Variants in URB1 observed in about 807,000 individuals in gnomAD.
The protein encoded by URB1 is nucleolar pre-ribosomal-associated protein 1.
Under a neutral mutation model 242.3 loss-of-function variants are expected in URB1, and 197 were observed. The observed-to-expected ratio is 0.81, with a 90% CI of 0.72 to 0.91. The LOEUF (loss-of-function observed/expected upper bound fraction) is 0.91, where lower values mean the gene tolerates loss of function less well. Ranked by LOEUF, URB1 falls within the 40% of genes least tolerant of loss-of-function variation. The pLI is 0.00. For synonymous variants in URB1, 1,153 were observed against 1,201.8 expected, an observed-to-expected ratio of 0.96 and a Z score of 0.84; for missense variants, 2,721 against 2,860.5, an observed-to-expected ratio of 0.95 and a Z score of 1.11.
chr21:32,359,182 C>A (rs2033257676), intron 14 of URB1, among the ~76,000 whole-genome samples: 1 of 152,196 alleles, frequency 6.6e-6, no homozygotes, highest in African/African-American at 2.4e-5. Context: ...TTATAAGAAA[C>A]ACTTGGACAA....
intron 13 of URB1, among the ~76,000 whole-genome samples, chr21:32,360,511 C>T (rs1056112648): frequency 6.6e-6 from 1 of 152,058 alleles, no homozygotes; most frequent in African/African-American, 2.4e-5. Flanking sequence ...TCCCATAGGC[C>T]CAATTATAAA....
chr21:32,379,142 T>C (rs965691153), intron 4 of URB1, among the ~76,000 whole-genome samples: 3 of 152,250 alleles, frequency 2.0e-5, no homozygotes, highest in East Asian at 1.9e-4. Context: ...ACCAGGGCAC[T>C]GGGCACGTTT....
chr21:32,327,497 T>C lies in URB1; in HGVS notation c.4961-2108A>G, dbSNP rs944579689. Among the ~76,000 whole-genome samples the C allele has an allele frequency of 5.3e-5, 8 of 152,014 alleles. No homozygotes were observed. The South Asian group carries it at 1.7e-3, about 32-fold the overall frequency. On this transcript the variant is annotated intron_variant, in intron 30 of 38. Coordinates refer to ENST00000382751, the MANE Select transcript of URB1 (RefSeq NM_014825.3). ...TCAGACACAAAAAAGCTAAAACAAT[T>C]GGTCACCAGTAGACTTGAACAATAA... is the stretch of plus-strand genomic sequence containing the variant.
chr21:32,353,123 G>A lies in URB1; in HGVS notation c.2417-217C>T, dbSNP rs139870273. On this transcript the variant is annotated intron_variant, in intron 18 of 38. Transcript: ENST00000382751. ...ACAGCAAAGTCAGACATCCACTCCC[G>A]AGGCCCAGGAGTGAAGACCCAGGCA... Among the ~76,000 whole-genome samples, 7 of 152,172 alleles carry A rather than the reference G, an allele frequency of 4.6e-5. No individual in the cohort carries two copies. In the East Asian group the frequency reaches 1.2e-3, roughly 25 times the overall value.
At chr21:32,368,664 G>GTGCTT in intron 8 of URB1, 66 bp from the exon 9 acceptor site, 1 of 1,359,458 alleles carries the variant, frequency 7.4e-7, no homozygotes, top group Non-Finnish European at 9.9e-7. Flanking sequence ...AGAGCTCATG[G>GTGCTT]TGACGTGCAG....
chr21:32,325,085 CTT>C, intron 31 of URB1, 142 bp downstream of exon 31: 2 of 1,105,254 alleles, frequency 1.8e-6, no homozygotes, highest in South Asian at 3.6e-5. Flanking sequence ...AGGGAACAGA[CTT>C]TTGCTCTTCA....
Position 32,384,324 on chromosome 21 carries a change from G to A in URB1, c.423C>T (p.Ala141=), listed in dbSNP as rs760096641. 8.4e-6 allele frequency: 13 copies of A among 1,551,758 alleles called. No individual in the cohort carries two copies. Among genetic ancestry groups the A allele is most frequent in the East Asian group, 4.9e-5 (2 of 40,930 alleles). The change falls in exon 3 of 39, where the codon GCC becomes GCT. Residue 141 remains alanine, a synonymous_variant. Coordinates refer to ENST00000382751, the MANE Select transcript of URB1 (RefSeq NM_014825.3). ...HMKLICESLY[A]SGYRLARACL... is the part of the protein sequence containing the mutation. ...GGCAGACTGCCTACCTGTAACCTGAGGCATACAGGGACTCACAGATGAGCT... is the reference window on the plus strand; with the variant it reads ...GGCAGACTGCCTACCTGTAACCTGAAGCATACAGGGACTCACAGATGAGCT...
intron 7 of URB1, among the ~76,000 whole-genome samples, chr21:32,373,254 C>A (rs1220190303): frequency 6.6e-6 from 1 of 151,896 alleles, no homozygotes; most frequent in Admixed American, 6.6e-5. Flanking sequence ...AACAAACAAA[C>A]AAAAAACACA....
chr21:32,383,924 G>A (rs898526406), intron 3 of URB1, among the ~76,000 whole-genome samples: 6 of 152,126 alleles, frequency 3.9e-5, no homozygotes, highest in Admixed American at 2.6e-4. Flanking sequence ...CTGTCTTTCC[G>A]TTCTGCGGTT....
intron 1 of URB1, among the ~76,000 whole-genome samples, chr21:32,388,934 A>C (rs2033611548): frequency 6.6e-6 from 1 of 152,234 alleles, no homozygotes; most frequent in South Asian, 2.1e-4. Context: ...GCTGATGAGC[A>C]AATTAGAAAT....
In URB1 at chr21:32,349,820, C is replaced by G. The variant is rs113234358; in HGVS notation, c.2833-337G>C. On this transcript the variant is annotated intron_variant, in intron 20 of 38. Coordinates refer to ENST00000382751, the MANE Select transcript of URB1 (RefSeq NM_014825.3). ...ACTTAAGAGGGAGGGCTGGGCCAGG[C>G]TCAGTGGCTCACGCCTGTAATCCCA... Among the ~76,000 whole-genome samples, 219 of 150,976 alleles carry G rather than the reference C, an allele frequency of 1.5e-3. 2 individuals are homozygous for G. Among genetic ancestry groups the G allele is most frequent in the Middle Eastern group, 7.0e-3 (2 of 284 alleles).
intron 2 of URB1, 110 bp from the exon 3 acceptor site, chr21:32,384,574 C>T (rs1041454049): frequency 7.3e-7 from 1 of 1,375,578 alleles, no homozygotes. Flanking sequence ...AAGCCTTCAA[C>T]ATGCAGGATG....
intron 30 of URB1, 182 bp downstream of exon 30, chr21:32,333,135 A>G: frequency 3.3e-6 from 2 of 606,172 alleles, no homozygotes; most frequent in Non-Finnish European, 5.8e-6. Flanking sequence ...TGTTCAAAAT[A>G]CTAACTGTGA....
intron 36 of URB1, 103 bp downstream of exon 36, chr21:32,319,114 C>A (rs1459607572): frequency 8.4e-6 from 10 of 1,184,076 alleles, no homozygotes; most frequent in Admixed American, 3.3e-5. Flanking sequence ...GGCCCAGCGT[C>A]CCCCTGGTAC....
At chr21:32,373,916 G>A in intron 6 of URB1, 144 bp from the exon 7 acceptor site, 2 of 788,940 alleles carry the variant, frequency 2.5e-6, no homozygotes, top group Non-Finnish European at 3.7e-6. Flanking sequence ...TTTAAAAAAA[G>A]GAAAAACATA....
Position 32,368,389 on chromosome 21 carries a change from T to C in URB1, c.1197+14A>G, listed in dbSNP as rs2033369322. 1 of 1,520,424 alleles carries C rather than the reference T, an allele frequency of 6.6e-7. No individual in the cohort carries two copies. Among genetic ancestry groups the C allele is most frequent in the East Asian group, 2.5e-5 (1 of 40,530 alleles). 94.2% of individuals were successfully genotyped at this position (1,520,424 alleles called of 1,614,324 possible). On this transcript the variant is annotated intron_variant, in intron 9 of 38. Coordinates refer to ENST00000382751, the MANE Select transcript of URB1 (RefSeq NM_014825.3). ...AGCTTAGCTAACAGACTTTTAAATA[T>C]CATGTTTTTTTACCTTGTTTAGTAG...
At chr21:32,324,301 T>G (rs1214386796) in intron 32 of URB1, among the ~76,000 whole-genome samples, 190 bp downstream of exon 32, 5 of 152,262 alleles carry the variant, frequency 3.3e-5, no homozygotes, top group Non-Finnish European at 7.3e-5. Flanking sequence ...AGCTTCCTCA[T>G]AGCCATCACC....
chr21:32,386,664 G>C lies in URB1; in HGVS notation c.143-980C>G, dbSNP rs147765030. Among the ~76,000 whole-genome samples the C allele has an allele frequency of 1.3e-3, 199 of 152,288 alleles. 1 individual carries two copies. Among genetic ancestry groups the C allele is most frequent in the African/African-American group, 4.6e-3 (190 of 41,546 alleles). ...CCATAGAGCTTTTGTTCCCTCAACT[G>C]TAGAATGGGTATAACAAGAAAAACC... On this transcript the variant is annotated intron_variant, in intron 1 of 38. Coordinates refer to ENST00000382751, the MANE Select transcript of URB1 (RefSeq NM_014825.3).
Position 32,355,504 on chromosome 21 carries a change from T to A in URB1, c.2051A>T (p.His684Leu). 1.3e-6 allele frequency: 2 copies of A among 1,551,844 alleles called. No individual in the cohort carries two copies. Among genetic ancestry groups the A allele is most frequent in the Non-Finnish European group, 1.7e-6 (2 of 1,147,024 alleles). ...TWKELELWLE[H>L]LENTMEEDKE... is the part of the protein sequence containing the mutation. ...GTCCTCTTCCATGGTGTTCTCTAAA[T>A]GCTCCAGCCAGAGCTCCAGCTCCTT... Residue 684 changes from histidine to leucine, a missense_variant, in exon 16 of 39, where the codon CAT (histidine) becomes CTT (leucine). By Grantham distance (99) the His-to-Leu change is moderately conservative. Coordinates refer to ENST00000382751, the MANE Select transcript of URB1 (RefSeq NM_014825.3).
Sources: allele counts gnomAD v4.1 joint callset (sites outside exome capture counted in the v4.1 genomes callset), GRCh38; gene constraint gnomAD v4.1.1; transcripts MANE v1.5; gene names NCBI Gene and HGNC (gene_info 2026-07-23, HGNC 2026-07-21).